C8orf34: variants seen among roughly 807,000 people sequenced by gnomAD.
C8orf34 encodes the protein chromosome 8 open reading frame 34.
Under a neutral mutation model 68.3 loss-of-function variants are expected in C8orf34, and 65 were observed. That is an observed-to-expected ratio of 0.95 (90% CI 0.78 to 1.17). The LOEUF (loss-of-function observed/expected upper bound fraction) is 1.17. Among genes scored for constraint, C8orf34 ranks in the 50% most tolerant of loss-of-function variants. C8orf34 has a pLI of 0.00. For synonymous variants in C8orf34, 244 were observed against 241.2 expected, an observed-to-expected ratio of 1.01 and a Z score of -0.11; for missense variants, 664 against 655.4, an observed-to-expected ratio of 1.01 and a Z score of -0.14.
intron 3 of C8orf34, among the ~76,000 whole-genome samples, chr8:68,449,131 A>G (rs936711966): frequency 2.6e-5 from 4 of 152,124 alleles, no homozygotes; most frequent in African/African-American, 9.7e-5. Context: ...TATAAACACT[A>G]TGCTCAACAA....
At chr8:68,577,161 C>T (rs1816929262) in intron 7 of C8orf34, among the ~76,000 whole-genome samples, 1 of 151,894 alleles carries the variant, frequency 6.6e-6, no homozygotes, top group African/African-American at 2.4e-5. Context: ...GAGGTTTCTC[C>T]AAGGCGCAGG....
intron 4 of C8orf34, among the ~76,000 whole-genome samples, chr8:68,482,947 T>C (rs375159891): frequency 1.1e-3 from 167 of 151,366 alleles, no homozygotes; most frequent in African/African-American, 3.8e-3. Context: ...CAAGAAAGAA[T>C]TGGGGAGTCT....
chr8:68,637,834 C>T (rs1002045403), intron 7 of C8orf34, among the ~76,000 whole-genome samples: 1 of 151,956 alleles, frequency 6.6e-6, no homozygotes, highest in African/African-American at 2.4e-5. Flanking sequence ...TTTGATGAGA[C>T]CGAAATTTTC....
chr8:68,778,268 A>T (rs1371308133), intron 11 of C8orf34, among the ~76,000 whole-genome samples: 1 of 152,200 alleles, frequency 6.6e-6, no homozygotes, highest in African/African-American at 2.4e-5. Context: ...ACAATAAAAA[A>T]TAGTATTTAT....
rs571645955 is a variant in C8orf34 at position 68,682,925 on chromosome 8, G to A, written c.1242-26069G>A. On this transcript the variant is annotated intron_variant, in intron 8 of 13. Coordinates refer to ENST00000518698, the MANE Select transcript of C8orf34 (RefSeq NM_052958.4). ...GTTTTTAGGAGGAAAAAAATGTTTC[G>A]CGCGGCTGTACTTGGAAGGACACTC... is the stretch of plus-strand genomic sequence containing the variant. Among the ~76,000 whole-genome samples the A allele has an allele frequency of 1.4e-4, 22 of 151,878 alleles. No homozygotes were observed. The South Asian group carries it at 3.1e-3, about 22-fold the overall frequency.
intron 10 of C8orf34, among the ~76,000 whole-genome samples, chr8:68,744,785 A>G (rs1268041967): frequency 6.6e-6 from 1 of 152,218 alleles, no homozygotes; most frequent in Non-Finnish European, 1.5e-5. Context: ...GACGGGGAGA[A>G]TGGAATCAAG....
intron 8 of C8orf34, among the ~76,000 whole-genome samples, chr8:68,658,140 G>A (rs1819562482): frequency 6.6e-6 from 1 of 152,100 alleles, no homozygotes; most frequent in Admixed American, 6.6e-5. Context: ...AATGAGTTAA[G>A]AGGTTTTATC....
intron 8 of C8orf34, among the ~76,000 whole-genome samples, chr8:68,657,173 C>A (rs1190210019): frequency 6.6e-6 from 1 of 152,110 alleles, no homozygotes; most frequent in African/African-American, 2.4e-5. Flanking sequence ...ACTCCACAAA[C>A]GTATCCAAAT....
At chr8:68,337,655 AT>A (rs1420076983) in intron 1 of C8orf34, among the ~76,000 whole-genome samples, 2 of 152,202 alleles carry the variant, frequency 1.3e-5, no homozygotes, top group Admixed American at 1.3e-4. Flanking sequence ...ACTAAAAATA[AT>A]TTTAAAGAGC....
intron 7 of C8orf34, among the ~76,000 whole-genome samples, chr8:68,637,635 A>G (rs917722615): frequency 1.4e-4 from 22 of 152,184 alleles, no homozygotes; most frequent in African/African-American, 5.1e-4. Context: ...AATCTCTTCC[A>G]GGTGACAAGT....
intron 7 of C8orf34, among the ~76,000 whole-genome samples, chr8:68,597,348 T>C (rs1056911468): frequency 3.3e-5 from 5 of 152,148 alleles, no homozygotes; most frequent in East Asian, 1.9e-4. Context: ...TTTTAAAATA[T>C]GTATGAAGTA....
At chr8:68,421,551 C>G (rs960335350) in intron 1 of C8orf34, among the ~76,000 whole-genome samples, 7 of 152,112 alleles carry the variant, frequency 4.6e-5, no homozygotes, top group African/African-American at 1.4e-4. Flanking sequence ...TCATCATGAG[C>G]CATTTGATAT....
chr8:68,565,624 C>T (rs1349590674), intron 7 of C8orf34, among the ~76,000 whole-genome samples: 2 of 145,096 alleles, frequency 1.4e-5, no homozygotes, highest in Admixed American at 1.3e-4. Context: ...TCTTTTGTGT[C>T]GCGATGCTGA....
At chr8:68,546,120 A>C (rs1815870080) in intron 7 of C8orf34, among the ~76,000 whole-genome samples, 1 of 152,128 alleles carries the variant, frequency 6.6e-6, no homozygotes, top group Non-Finnish European at 1.5e-5. Flanking sequence ...ATAAAACATC[A>C]CATAGAATAC....
intron 12 of C8orf34, among the ~76,000 whole-genome samples, chr8:68,793,233 TAA>T (rs1824065597): frequency 6.6e-6 from 1 of 152,052 alleles, no homozygotes; most frequent in South Asian, 2.1e-4. Flanking sequence ...ATAAAAATAG[TAA>T]AGTTAAACAG....
In C8orf34 at chr8:68,584,251, C is replaced by G. The variant is rs1236778764; in HGVS notation, c.1105+51102C>G. On this transcript the variant is annotated intron_variant, in intron 7 of 13. Coordinates refer to ENST00000518698, the MANE Select transcript of C8orf34 (RefSeq NM_052958.4). ...ATCCACTCCATTTTGCCCCCAAACT[C>G]AACTGAGATTTTTGCAAAAAGCCCT... 2.6e-5 allele frequency among the ~76,000 whole-genome samples: 4 copies of G among 152,188 alleles called. No individual in the cohort carries two copies. The East Asian group carries it at 7.8e-4, about 29-fold the overall frequency.
At chr8:68,618,986 G>T (rs1336082468) in intron 7 of C8orf34, among the ~76,000 whole-genome samples, 4 of 152,144 alleles carry the variant, frequency 2.6e-5, no homozygotes, top group Non-Finnish European at 5.9e-5. Flanking sequence ...CTGAGAGCTA[G>T]GGGGATGGAA....
At chr8:68,331,735 C>G (rs1253457040) in intron 1 of C8orf34, among the ~76,000 whole-genome samples, 1 of 130,646 alleles carries the variant, frequency 7.7e-6, no homozygotes, top group African/African-American at 2.9e-5. Context: ...TTCACGCTAT[C>G]TTGAGTGTTC....
chr8:68,523,400 C>T (rs377006843), intron 6 of C8orf34, among the ~76,000 whole-genome samples: 1 of 152,090 alleles, frequency 6.6e-6, no homozygotes, highest in South Asian at 2.1e-4. Context: ...CTCTTATTCC[C>T]ACCTGAATAC....
Sources: gnomAD v4.1 joint callset for allele counts (sites outside exome capture counted in the v4.1 genomes callset) on GRCh38, gnomAD v4.1.1 for gene constraint, MANE v1.5 for transcripts, NCBI Gene and HGNC (gene_info 2026-07-23, HGNC 2026-07-21) for gene names.